The following WWOX variants were observed in gnomAD, a reference collection of about 807,000 sequenced individuals.
The protein encoded by WWOX is WW domain containing oxidoreductase.
A neutral mutation model predicts 46.2 loss-of-function variants in WWOX; 69 were observed. The observed-to-expected ratio is 1.49, with a 90% CI of 1.23 to 1.82. The LOEUF (loss-of-function observed/expected upper bound fraction) is 1.82, where lower values mean the gene tolerates loss of function less well. Ranked by LOEUF, WWOX falls within the 40% of genes most tolerant of loss-of-function variation. The pLI, the probability that WWOX is intolerant of heterozygous loss-of-function variation, is 0.00. For missense variants in WWOX, 919 were observed against 542.6 expected, an observed-to-expected ratio of 1.69 and a Z score of -6.89; for synonymous variants, 359 against 202.6, an observed-to-expected ratio of 1.77 and a Z score of -6.56.
chr16:79,033,892 C>T (rs1299404763), intron 8 of WWOX, among the ~76,000 whole-genome samples: 1 of 152,208 alleles, frequency 6.6e-6, no homozygotes, highest in African/African-American at 2.4e-5. Context: ...CTGTCTGTCG[C>T]ACCATCAAAC....
intron 8 of WWOX, among the ~76,000 whole-genome samples, chr16:78,511,550 G>C (rs531432980): frequency 4.6e-5 from 7 of 152,150 alleles, no homozygotes; most frequent in Non-Finnish European, 7.3e-5. Flanking sequence ...AAATGGATTC[G>C]AGTGATTACA....
Position 78,344,469 on chromosome 16 carries a change from G to T in WWOX, c.517-42391G>T, listed in dbSNP as rs2081063448. Among the ~76,000 whole-genome samples, 2 of 121,314 alleles carry T rather than the reference G, an allele frequency of 1.6e-5. 1 individual carries two copies. 79.6% of individuals were successfully genotyped at this position (121,314 alleles called of 152,430 possible). The stretch of plus-strand genomic sequence containing the variant: ...GAGGAACCTGTTCTCTTATGTTTCT[G>T]CTTAGATGGCTGGGTCTATACCAGG... On this transcript the variant is annotated intron_variant, in intron 5 of 8. Transcript: ENST00000566780.
intron 5 of WWOX, among the ~76,000 whole-genome samples, chr16:78,364,988 C>T (rs72794090): frequency 0.053 from 7,996 of 152,256 alleles, 285 homozygotes; most frequent in East Asian, 0.12. Flanking sequence ...CAGCTGAAGT[C>T]ATAGTATTTT....
chr16:78,562,428 T>C (rs2044461844), intron 8 of WWOX, among the ~76,000 whole-genome samples: 1 of 152,162 alleles, frequency 6.6e-6, no homozygotes. Context: ...TGTTCCCACA[T>C]CCCCTGATGC....
intron 8 of WWOX, among the ~76,000 whole-genome samples, chr16:78,587,308 C>T (rs1673187751): frequency 1.3e-5 from 2 of 149,340 alleles, no homozygotes; most frequent in Admixed American, 1.4e-4. Context: ...ATTGGGATTA[C>T]AGGTGTGAGC....
rs560454019 is a variant in WWOX, at chr16:78,812,531, G to A, written c.1056+379779G>A. 2.5e-3 allele frequency among the ~76,000 whole-genome samples: 384 copies of A among 152,098 alleles called. 4 individuals are homozygous for A. Among genetic ancestry groups the A allele is most frequent in the African/African-American group, 8.9e-3 (371 of 41,460 alleles). ...GAGGTCAGGAGTTCGAGACCAGCCT[G>A]GCCAACATGGCGAAACTCCTTCTCT... On this transcript the variant is annotated intron_variant, in intron 8 of 8. Transcript: ENST00000566780.
At chr16:78,666,487 C>T (rs947702378) in intron 8 of WWOX, among the ~76,000 whole-genome samples, 2 of 152,120 alleles carry the variant, frequency 1.3e-5, no homozygotes, top group African/African-American at 4.8e-5. Flanking sequence ...TGTAATTTGC[C>T]TTTAAAAAAT....
At chr16:78,661,440 C>T (rs1455417393) in intron 8 of WWOX, among the ~76,000 whole-genome samples, 2 of 152,096 alleles carry the variant, frequency 1.3e-5, no homozygotes, top group East Asian at 1.9e-4. Flanking sequence ...CATTGATTTT[C>T]TGTATGACTT....
chr16:78,238,330 C>T (rs62034046), intron 5 of WWOX: 13,509 of 152,350 alleles, frequency 0.089, 729 homozygotes, highest in Admixed American at 0.16. Flanking sequence ...GGCAAGGTCT[C>T]ACTTCATCAC....
intron 8 of WWOX, among the ~76,000 whole-genome samples, chr16:78,813,671 T>G (rs1367541975): frequency 6.6e-6 from 1 of 152,170 alleles, no homozygotes. Flanking sequence ...AAGGCCTCCT[T>G]TGAGATCAAT....
intron 8 of WWOX, among the ~76,000 whole-genome samples, chr16:78,433,478 C>T (rs113610010): frequency 6.6e-6 from 1 of 152,262 alleles, no homozygotes; most frequent in Non-Finnish European, 1.5e-5. Flanking sequence ...GATTATTTTT[C>T]AAAACCAAAG....
At chr16:79,040,250 A>C (rs538750127) in intron 8 of WWOX, among the ~76,000 whole-genome samples, 1 of 149,158 alleles carries the variant, frequency 6.7e-6, no homozygotes, top group East Asian at 2.0e-4. Context: ...TCTCAGGTAC[A>C]TTTCAGTTCA....
chr16:78,899,379 A>C (rs540118276), intron 8 of WWOX: 1 of 152,220 alleles, frequency 6.6e-6, no homozygotes, highest in Non-Finnish European at 1.5e-5. Context: ...CTAACTCCAA[A>C]TCTTTGAACT....
rs1418366935 is a variant in WWOX, at chr16:79,027,420, A to G, written c.1057-184188A>G. On this transcript the variant is annotated intron_variant, in intron 8 of 8. Coordinates refer to ENST00000566780, the MANE Select transcript of WWOX (RefSeq NM_016373.4). ...GGAGCAAGGCCATTTTGTGTAAGCT[A>G]TCCTGGGCCTCCCTGCCTCCCATTT... Among the ~76,000 whole-genome samples the G allele has an allele frequency of 2.6e-5, 4 of 151,726 alleles. No homozygotes were observed. The South Asian group carries it at 6.2e-4, about 24-fold the overall frequency.
intron 8 of WWOX, among the ~76,000 whole-genome samples, chr16:78,723,816 C>T (rs989046425): frequency 6.6e-6 from 1 of 151,928 alleles, no homozygotes; most frequent in Non-Finnish European, 1.5e-5. Flanking sequence ...TCAGACTAAG[C>T]AGTTGATGTA....
In WWOX at chr16:78,099,715, G is replaced by C; in HGVS notation, c.-64G>C. On this transcript the variant is annotated 5_prime_UTR_variant, in exon 1 of 9. Transcript: ENST00000566780. ...CGCGGGTCTCGTTTGGAGCGGGAGT[G>C]AGTTCCTGAGCGAGTGGACCCGGCA... 6.7e-7 allele frequency: 1 copy of C among 1,490,600 alleles called. No individual in the cohort carries two copies. The highest frequency in any genetic ancestry group is 2.6e-5 in the East Asian group (1 of 38,338). The allele number at this position is 1,490,600 out of a possible 1,614,324, so 92.3% of individuals were successfully genotyped here. A position where few individuals can be genotyped will look rare whatever the true frequency, so the allele number is the denominator to read the frequency against.
chr16:78,173,028 G>A (rs968893542), intron 5 of WWOX, among the ~76,000 whole-genome samples: 5 of 152,180 alleles, frequency 3.3e-5, no homozygotes, highest in Non-Finnish European at 7.3e-5. Flanking sequence ...CGGTCCTTGT[G>A]GTGATAAAAC....
chr16:78,702,832 A>G (rs1349181779), intron 8 of WWOX, among the ~76,000 whole-genome samples: 1 of 152,114 alleles, frequency 6.6e-6, no homozygotes, highest in African/African-American at 2.4e-5. Context: ...GAAACACATA[A>G]CTGGAACAAC....
At chr16:79,078,720 T>C (rs2048705370) in intron 8 of WWOX, among the ~76,000 whole-genome samples, 1 of 152,246 alleles carries the variant, frequency 6.6e-6, no homozygotes, top group Non-Finnish European at 1.5e-5. Context: ...TAACAGTTTA[T>C]AGCCAGATTG....
Sources: gnomAD v4.1 joint callset for allele counts (sites outside exome capture counted in the v4.1 genomes callset) on GRCh38, gnomAD v4.1.1 for gene constraint, MANE v1.5 for transcripts, NCBI Gene and HGNC (gene_info 2026-07-23, HGNC 2026-07-21) for gene names.